CLYBL: variants seen among roughly 807,000 people sequenced by gnomAD.
CLYBL encodes citramalyl-CoA lyase, mitochondrial.
Under a neutral mutation model 38.9 loss-of-function variants are expected in CLYBL, and 31 were observed. That is an observed-to-expected ratio of 0.80 (90% CI 0.60 to 1.08). CLYBL has a LOEUF of 1.08. CLYBL is among the 50% of genes least tolerant of loss of function. The probability of loss-of-function intolerance (pLI) is 0.00; values close to 1 mark genes in which losing one functional copy is unlikely to be tolerated. For synonymous variants in CLYBL, 171 were observed against 158.6 expected (o/e 1.08, Z -0.59); for missense variants, 434 against 411.6 (o/e 1.05, Z -0.47).
chr13:99,676,825 G>A (rs952064767), intron 1 of CLYBL, among the ~76,000 whole-genome samples: 10 of 149,372 alleles, frequency 6.7e-5, no homozygotes, highest in African/African-American at 7.4e-5. Context: ...GGCTGGTCTC[G>A]AACTCTCGAC....
At chr13:99,782,428 C>G (rs1448345479) in intron 2 of CLYBL, among the ~76,000 whole-genome samples, 1 of 152,084 alleles carries the variant, frequency 6.6e-6, no homozygotes, top group African/African-American at 2.4e-5. Context: ...TTGCTTGAAC[C>G]TCAGAGGTGG....
At chr13:99,721,039 CT>C (rs35480092) in intron 1 of CLYBL, among the ~76,000 whole-genome samples, 331 of 141,160 alleles carry the variant, frequency 2.3e-3, no homozygotes, top group Middle Eastern at 7.2e-3. Flanking sequence ...TTCCCTAATT[CT>C]TTTTTTTTTT....
chr13:99,731,335 GAA>G (rs543496005), intron 1 of CLYBL, among the ~76,000 whole-genome samples: 3 of 126,986 alleles, frequency 2.4e-5, no homozygotes, highest in African/African-American at 2.9e-5. Context: ...CCTGCTTTAA[GAA>G]AAAAAAAAAA....
chr13:99,889,184 G>A (rs768321830), intron 7 of CLYBL, among the ~76,000 whole-genome samples: 3 of 152,180 alleles, frequency 2.0e-5, no homozygotes, highest in Admixed American at 6.5e-5. Flanking sequence ...CACAGCCACC[G>A]TTTGGATTCT....
intron 6 of CLYBL, among the ~76,000 whole-genome samples, chr13:99,868,088 T>TAA (rs141339672): frequency 3.3e-5 from 5 of 149,404 alleles, no homozygotes; most frequent in East Asian, 2.0e-4. Flanking sequence ...ATTAAATCGC[T>TAA]AAAAAAAAAG....
intron 2 of CLYBL, among the ~76,000 whole-genome samples, chr13:99,854,370 G>A (rs751055496): frequency 6.6e-6 from 1 of 150,994 alleles, no homozygotes; most frequent in Non-Finnish European, 1.5e-5. Flanking sequence ...TAAGCCCAAG[G>A]GGCTCCTCTT....
intron 7 of CLYBL, among the ~76,000 whole-genome samples, chr13:99,887,331 TTAGA>T (rs1458892095): frequency 6.6e-6 from 1 of 152,176 alleles, no homozygotes; most frequent in Non-Finnish European, 1.5e-5. Flanking sequence ...AGGCTTGGCA[TTAGA>T]TAGAGTCAGC....
chr13:99,673,015 G>GC (rs1012427554), intron 1 of CLYBL, among the ~76,000 whole-genome samples: 3 of 152,074 alleles, frequency 2.0e-5, no homozygotes, highest in African/African-American at 4.8e-5. Context: ...ACCAAAATCT[G>GC]CCCCCCTAGA....
intron 1 of CLYBL, among the ~76,000 whole-genome samples, chr13:99,658,174 G>A (rs1276726814): frequency 6.6e-6 from 1 of 152,240 alleles, no homozygotes; most frequent in African/African-American, 2.4e-5. Context: ...AACCGGCCCG[G>A]TTTCATAAGG....
chr13:99,634,924 C>A (rs1313960861), intron 1 of CLYBL, among the ~76,000 whole-genome samples: 1 of 152,130 alleles, frequency 6.6e-6, no homozygotes, highest in East Asian at 1.9e-4. Context: ...GTCTTCTTCC[C>A]CATCCCCAGA....
chr13:99,776,944 C>T (rs543411841), intron 2 of CLYBL, among the ~76,000 whole-genome samples: 6 of 151,824 alleles, frequency 4.0e-5, no homozygotes, highest in Admixed American at 6.6e-5. Flanking sequence ...GGTGCGATCT[C>T]GGCTCACTCA....
intron 2 of CLYBL, among the ~76,000 whole-genome samples, chr13:99,780,213 A>G (rs563435915): frequency 1.6e-4 from 25 of 152,048 alleles, no homozygotes; most frequent in Middle Eastern, 3.4e-3. Context: ...CTTATAATGC[A>G]TTTTGCTTGA....
intron 2 of CLYBL, among the ~76,000 whole-genome samples, chr13:99,852,723 G>A (rs963389718): frequency 1.2e-5 from 1 of 83,324 alleles, no homozygotes; most frequent in African/African-American, 5.0e-5. Context: ...GTGTTTTAGG[G>A]TGCTTTCCCC....
At chr13:99,780,713 CTTT>C (rs11300050) in intron 2 of CLYBL, among the ~76,000 whole-genome samples, 10 of 124,224 alleles carry the variant, frequency 8.0e-5, no homozygotes, top group Non-Finnish European at 8.5e-5. Flanking sequence ...AATCCATTGT[CTTT>C]TTTTTTTTTT....
chr13:99,756,609 GTTGTTTGT>G (rs368502681), intron 1 of CLYBL, among the ~76,000 whole-genome samples: 5 of 151,668 alleles, frequency 3.3e-5, no homozygotes, highest in African/African-American at 1.2e-4. Flanking sequence ...TGTTGTTGTT[GTTGTTTGT>G]TTGTTTGTTT....
chr13:99,899,256 C>A (rs2052616208), downstream of CLYBL, among the ~76,000 whole-genome samples: 2 of 152,202 alleles, frequency 1.3e-5, no homozygotes, highest in African/African-American at 4.8e-5. Context: ...CCAGGGCCCC[C>A]CACCATTTTG....
At chr13:99,727,616 A>G (rs1416286766) in intron 1 of CLYBL, 5 of 151,684 alleles carry the variant, frequency 3.3e-5, no homozygotes, top group Admixed American at 2.0e-4. Flanking sequence ...CAAATGAGCC[A>G]TTTTCTTTGA....
rs1339805897 is a variant in CLYBL at position 99,800,892 on chromosome 13, AAC to A, written c.249+27884_249+27885del. On this transcript the variant is annotated intron_variant, in intron 2 of 8. Coordinates refer to ENST00000339105, the MANE Select transcript of CLYBL (RefSeq NM_206808.5). ...CTGTCTCAAATTAAAAAACAACAACAACAAAAAAAAAAAACAAAAAAAAAAAA... is the reference window on the plus strand; with the variant it reads ...CTGTCTCAAATTAAAAAACAACAACAAAAAAAAAAAAACAAAAAAAAAAAA... Among the ~76,000 whole-genome samples, 5 of 134,168 alleles carry A rather than the reference AAC, an allele frequency of 3.7e-5. No homozygotes were observed. The South Asian group carries it at 1.2e-3, about 32-fold the overall frequency. The allele number at this position is 134,168 out of a possible 152,430, so 88.0% of individuals were successfully genotyped here.
At chr13:99,768,491 C>A (rs1357879680) in intron 1 of CLYBL, among the ~76,000 whole-genome samples, 1 of 129,618 alleles carries the variant, frequency 7.7e-6, no homozygotes, top group East Asian at 2.2e-4. Context: ...CTGCGCCCGA[C>A]CTCTTTTTTT....
Sources: gnomAD v4.1 joint callset for allele counts (sites outside exome capture counted in the v4.1 genomes callset) on GRCh38, gnomAD v4.1.1 for gene constraint, MANE v1.5 for transcripts, NCBI Gene and HGNC (gene_info 2026-07-23, HGNC 2026-07-21) for gene names.